ZDHHC21: variants seen among roughly 807,000 people sequenced by gnomAD.
ZDHHC21 encodes the protein palmitoyltransferase ZDHHC21.
Under a neutral mutation model 34.6 loss-of-function variants are expected in ZDHHC21, and 15 were observed. The observed-to-expected ratio is 0.43, with a 90% confidence interval of 0.29 to 0.67. The LOEUF is 0.67. Among genes scored for constraint, ZDHHC21 ranks in the 30% least tolerant of loss-of-function variants. The pLI, the probability that ZDHHC21 is intolerant of heterozygous loss-of-function variation, is 0.14. For synonymous variants in ZDHHC21, 142 were observed against 101.8 expected, an observed-to-expected ratio of 1.40 and a Z score of -2.38; for missense variants, 344 against 327.7, an observed-to-expected ratio of 1.05 and a Z score of -0.38.
intron 3 of ZDHHC21, among the ~76,000 whole-genome samples, chr9:14,678,946 T>G (rs568224660): frequency 3.6e-4 from 54 of 151,336 alleles, no homozygotes; most frequent in Middle Eastern, 6.8e-3. Flanking sequence ...CCATTAGGAG[T>G]GGAGAGGGAA....
At chr9:14,600,899 G>GA in the ZDHHC21 span, among the ~76,000 whole-genome samples, 1 of 152,170 alleles carries the variant, frequency 6.6e-6, no homozygotes, top group African/African-American at 2.4e-5. Flanking sequence ...AAGCAATGGG[G>GA]AAAGGATTCC....
At chr9:14,689,651 G>T (rs896791587) in intron 2 of ZDHHC21, among the ~76,000 whole-genome samples, 3 of 152,030 alleles carry the variant, frequency 2.0e-5, no homozygotes, top group African/African-American at 7.3e-5. Context: ...CACTATCCTA[G>T]TAGTATTACT....
chr9:14,670,829 G>A (rs1199605128), intron 5 of ZDHHC21, among the ~76,000 whole-genome samples: 3 of 151,908 alleles, frequency 2.0e-5, no homozygotes, highest in Non-Finnish European at 4.4e-5. Context: ...CATCTAGAAG[G>A]TGCTTTTGCC....
intron 5 of ZDHHC21, among the ~76,000 whole-genome samples, chr9:14,664,492 T>G (rs10124886): frequency 0.011 from 1,636 of 151,944 alleles, 34 homozygotes; most frequent in African/African-American, 0.037. Flanking sequence ...AAGCTCGAAC[T>G]GGCTGGAGCC....
In ZDHHC21 at chr9:14,616,221, G is replaced by T. The variant is rs1421871545; in HGVS notation, c.*2745C>A. On this transcript the variant is annotated 3_prime_UTR_variant, in exon 10 of 10. Coordinates refer to ENST00000380916, the MANE Select transcript of ZDHHC21 (RefSeq NM_178566.6). ...ACATTTCTATGTTTTGTAATAAATT[G>T]GTAATTTCAAAGTAACAGCTTTTCC... The T allele has an allele frequency of 6.6e-6, 1 of 151,434 alleles. No homozygotes were observed. Among genetic ancestry groups the T allele is most frequent in the Non-Finnish European group, 1.5e-5 (1 of 67,670 alleles). 9.4% of individuals were successfully genotyped at this position (151,434 alleles called of 1,614,324 possible). A position where few individuals can be genotyped will look rare whatever the true frequency, so the allele number is the denominator to read the frequency against.
chr9:14,604,706 CAA>C, the ZDHHC21 span, among the ~76,000 whole-genome samples: 1 of 152,018 alleles, frequency 6.6e-6, no homozygotes, highest in Non-Finnish European at 1.5e-5. Context: ...TTTATTGTGG[CAA>C]AAAGCACATG....
chr9:14,692,506 G>A (rs916875808), intron 1 of ZDHHC21, among the ~76,000 whole-genome samples: 1 of 151,866 alleles, frequency 6.6e-6, no homozygotes, highest in East Asian at 1.9e-4. Flanking sequence ...GTAATAATTG[G>A]TCATGTCCTC....
intron 7 of ZDHHC21, among the ~76,000 whole-genome samples, chr9:14,655,173 AG>A (rs1262398619): frequency 6.6e-6 from 1 of 152,092 alleles, no homozygotes; most frequent in Non-Finnish European, 1.5e-5. Context: ...ACTTTACAAC[AG>A]AAATGATGGA....
intron 5 of ZDHHC21, among the ~76,000 whole-genome samples, chr9:14,662,653 C>T (rs1833619980): frequency 6.6e-6 from 1 of 152,126 alleles, no homozygotes; most frequent in African/African-American, 2.4e-5. Context: ...TAGAGCCCAA[C>T]CAAATTATTA....
At chr9:14,665,491 C>A (rs1427411250) in intron 5 of ZDHHC21, among the ~76,000 whole-genome samples, 1 of 151,508 alleles carries the variant, frequency 6.6e-6, no homozygotes, top group Non-Finnish European at 1.5e-5. Context: ...TCAGGAAATA[C>A]AGAGAACGCC....
intron 7 of ZDHHC21, among the ~76,000 whole-genome samples, chr9:14,653,457 AT>A (rs1411552676): frequency 2.6e-5 from 4 of 152,034 alleles, no homozygotes; most frequent in African/African-American, 7.2e-5. Context: ...TAAGAACATT[AT>A]TTTATTATTT....
At chr9:14,627,145 C>T (rs909058686) in intron 8 of ZDHHC21, among the ~76,000 whole-genome samples, 4 of 152,060 alleles carry the variant, frequency 2.6e-5, no homozygotes, top group African/African-American at 9.7e-5. Context: ...AGGAATTAAT[C>T]ATTTGAGGAC....
the ZDHHC21 span, among the ~76,000 whole-genome samples, chr9:14,592,039 A>T: frequency 6.6e-6 from 1 of 152,102 alleles, no homozygotes; most frequent in African/African-American, 2.4e-5. Context: ...CTCCATTTAC[A>T]TCAAAGTATT....
At chr9:14,603,602 C>G in the ZDHHC21 span, among the ~76,000 whole-genome samples, 1 of 152,252 alleles carries the variant, frequency 6.6e-6, no homozygotes, top group Non-Finnish European at 1.5e-5. Context: ...GCAACCAAAG[C>G]TCGTTAATCT....
chr9:14,649,203 G>A (rs1830793588), intron 7 of ZDHHC21, among the ~76,000 whole-genome samples: 1 of 152,002 alleles, frequency 6.6e-6, no homozygotes, highest in Non-Finnish European at 1.5e-5. Context: ...CACTGGTAAA[G>A]GATTTTGTTT....
chr9:14,611,696 T>G lies in ZDHHC21; in HGVS notation c.*7270A>C, dbSNP rs983511848. On this transcript the variant is annotated 3_prime_UTR_variant, in exon 10 of 10. Coordinates refer to ENST00000380916, the MANE Select transcript of ZDHHC21 (RefSeq NM_178566.6). Reference sequence around the variant, plus strand: ...TTGGCTATTCATTAAACTTGCCAGTTAGATCACACACAAAAAAACACTAAT... The same window carrying G: ...TTGGCTATTCATTAAACTTGCCAGTGAGATCACACACAAAAAAACACTAAT... 6.6e-6 allele frequency: 1 copy of G among 151,958 alleles called. No individual in the cohort carries two copies. Among genetic ancestry groups the G allele is most frequent in the Admixed American group, 6.6e-5 (1 of 15,212 alleles). The allele number at this position is 151,958 out of a possible 1,614,324, so 9.4% of individuals were successfully genotyped here. A position where few individuals can be genotyped will look rare whatever the true frequency, so the allele number is the denominator to read the frequency against.
rs562194784 is a variant in ZDHHC21 at position 14,629,639 on chromosome 9, C to T, written c.622-9957G>A. On this transcript the variant is annotated intron_variant, in intron 8 of 9. Coordinates refer to ENST00000380916, the MANE Select transcript of ZDHHC21 (RefSeq NM_178566.6). ...AAAAATTATTTATTGATAAAAAATG[C>T]TAATGATCATTTGAACCTTCAGGGA... is the stretch of plus-strand genomic sequence containing the variant. Among the ~76,000 whole-genome samples, 21 of 152,202 alleles carry T rather than the reference C, an allele frequency of 1.4e-4. No homozygotes were observed. In the East Asian group the frequency reaches 1.9e-3, roughly 14 times the overall value.
At chr9:14,664,343 G>A (rs1285690484) in intron 5 of ZDHHC21, among the ~76,000 whole-genome samples, 2 of 151,894 alleles carry the variant, frequency 1.3e-5, no homozygotes, top group African/African-American at 2.4e-5. Flanking sequence ...TCCCACACCT[G>A]GCTCGGAGGG....
the ZDHHC21 span, among the ~76,000 whole-genome samples, chr9:14,602,920 C>T: frequency 1.2e-5 from 1 of 86,146 alleles, no homozygotes; most frequent in South Asian, 4.8e-4. Flanking sequence ...GAGAGAGAGA[C>T]TTCATCTCAA....
Sources: allele counts gnomAD v4.1 joint callset (sites outside exome capture counted in the v4.1 genomes callset), GRCh38; gene constraint gnomAD v4.1.1; transcripts MANE v1.5; gene names NCBI Gene and HGNC (gene_info 2026-07-23, HGNC 2026-07-21).